SYCP2: variants seen among roughly 807,000 people sequenced by gnomAD.
The protein encoded by SYCP2 is synaptonemal complex protein 2, also known as synaptonemal complex lateral element protein.
Under a neutral mutation model 211.3 loss-of-function variants are expected in SYCP2, and 55 were observed. The ratio of observed to expected loss-of-function variants is 0.26; its 90% CI spans 0.21 to 0.33. The LOEUF (loss-of-function observed/expected upper bound fraction) is 0.33, where lower values mean the gene tolerates loss of function less well. SYCP2 is among the 10% of genes least tolerant of loss of function. SYCP2 has a pLI of 1.00. For synonymous variants in SYCP2, 570 were observed against 555.2 expected (o/e 1.03, Z -0.37); for missense variants, 1,731 against 1,752.0 (o/e 0.99, Z 0.21).
Position 59,880,388 on chromosome 20 carries a change from G to A in SYCP2, c.2856C>T (p.Ser952=). Residue 952 remains serine (S), a synonymous_variant, in exon 31 of 45, where the codon AGC becomes AGT. Transcript: ENST00000357552. ...YRCDDSKTDI[S]WLREPKSKPQ... is the part of the protein sequence containing the mutation. ...GTTTTGATTTCGGTTCTCTTAGCCA[G>A]CTAATATCAGTCTTGCTGTCATCAC... 1 of 1,601,308 alleles carries A rather than the reference G, an allele frequency of 6.2e-7. No individual in the cohort carries two copies. The highest frequency in any genetic ancestry group is 8.5e-7 in the Non-Finnish European group (1 of 1,171,354).
At chr20:59,866,745 T>G (rs2059345354) in intron 39 of SYCP2, among the ~76,000 whole-genome samples, 156 bp from the exon 40 acceptor site, 1 of 151,834 alleles carries the variant, frequency 6.6e-6, no homozygotes, top group African/African-American at 2.4e-5. Flanking sequence ...ACTGAAGTGT[T>G]AATAGACACT....
intron 8 of SYCP2, 67 bp downstream of exon 8, chr20:59,916,419 T>C: frequency 1.1e-6 from 1 of 895,692 alleles, no homozygotes; most frequent in Non-Finnish European, 1.8e-6. Context: ...AAATTGTCAA[T>C]TTAATTGCTA....
At chr20:59,874,135 ATTAAT>A in intron 34 of SYCP2, 74 bp from the exon 35 acceptor site, 3 of 668,938 alleles carry the variant, frequency 4.5e-6, no homozygotes, top group South Asian at 6.5e-5. Flanking sequence ...AAATAGCACG[ATTAAT>A]TTAAATTCTA....
chr20:59,914,529 T>C (rs2060395483), intron 10 of SYCP2, among the ~76,000 whole-genome samples: 1 of 152,032 alleles, frequency 6.6e-6, no homozygotes, highest in African/African-American at 2.4e-5. Flanking sequence ...TTCATTATTA[T>C]TAGAGATATA....
intron 2 of SYCP2, among the ~76,000 whole-genome samples, chr20:59,923,667 A>C (rs1422872014): frequency 6.6e-6 from 1 of 151,710 alleles, no homozygotes; most frequent in Non-Finnish European, 1.5e-5. Context: ...ACAACACTGT[A>C]CTCTAGCCTA....
chr20:59,907,519 C>CT, intron 14 of SYCP2, 95 bp from the exon 15 acceptor site: 1 of 997,732 alleles, frequency 1.0e-6, no homozygotes, highest in Non-Finnish European at 1.5e-6. Context: ...ACTATGAATT[C>CT]TTTTTGCTAG....
intron 13 of SYCP2, 25 bp downstream of exon 13, chr20:59,912,343 CTAAAA>C (rs766916209): frequency 2.5e-5 from 22 of 870,808 alleles, no homozygotes; most frequent in South Asian, 3.2e-5. Flanking sequence ...CATGCAATAA[CTAAAA>C]TAATGTGTTA....
At chr20:59,922,053 CACTT>C (rs1252617925) in intron 3 of SYCP2, among the ~76,000 whole-genome samples, 2 of 151,668 alleles carry the variant, frequency 1.3e-5, no homozygotes, top group African/African-American at 4.8e-5. Flanking sequence ...AGATTATTAA[CACTT>C]ACACTTTACC....
At chr20:59,924,625 G>C (rs1246849757) in intron 2 of SYCP2, among the ~76,000 whole-genome samples, 1 of 151,806 alleles carries the variant, frequency 6.6e-6, no homozygotes, top group Non-Finnish European at 1.5e-5. Context: ...GAAAAAAGTT[G>C]GATTGTCGGG....
intron 39 of SYCP2, among the ~76,000 whole-genome samples, chr20:59,866,930 T>C (rs1200110235): frequency 7.0e-6 from 1 of 143,092 alleles, no homozygotes; most frequent in Non-Finnish European, 1.5e-5. Flanking sequence ...ACCATTTTTT[T>C]CACAAAAACA....
chr20:59,913,320 T>C (rs1436654654), intron 12 of SYCP2, among the ~76,000 whole-genome samples: 1 of 152,118 alleles, frequency 6.6e-6, no homozygotes, highest in East Asian at 1.9e-4. Flanking sequence ...GAACTTATGA[T>C]TCAAATCAGG....
At chr20:59,901,531 A>T in intron 16 of SYCP2, 131 bp downstream of exon 16, 1 of 565,320 alleles carries the variant, frequency 1.8e-6, no homozygotes, top group South Asian at 3.1e-5. Flanking sequence ...ACTCTTCAAC[A>T]GTACAAATTT....
At chr20:59,873,063 C>T (rs963752789) in intron 35 of SYCP2, among the ~76,000 whole-genome samples, 6 of 151,930 alleles carry the variant, frequency 3.9e-5, no homozygotes, top group Admixed American at 1.3e-4. Flanking sequence ...ATATAGTAGA[C>T]CCTCCTGAAA....
In SYCP2 at chr20:59,877,449, G is replaced by A; in HGVS notation, c.3086C>T (p.Ser1029Leu). 6.2e-7 allele frequency: 1 copy of A among 1,603,836 alleles called. No homozygotes were observed. The highest frequency in any genetic ancestry group is 8.5e-7 in the Non-Finnish European group (1 of 1,177,316). ...TKTKKNYKDL[S>L]NSESECEQEF... The stretch of plus-strand genomic sequence containing the variant: ...TTGTTCACACTCTGATTCTGAATTT[G>A]AGAGATCTTTATAGTTTTTTTTTGT... The change falls in exon 33 of 45, where the codon TCA (serine) becomes TTA (leucine). Residue 1029 changes from serine (S) to leucine (L), a missense_variant. Ser to Leu is a moderately radical substitution (Grantham distance 145, BLOSUM62 -2). Coordinates refer to ENST00000357552, the MANE Select transcript of SYCP2 (RefSeq NM_014258.4).
intron 18 of SYCP2, among the ~76,000 whole-genome samples, chr20:59,897,416 A>G (rs931982310): frequency 6.6e-6 from 1 of 152,218 alleles, no homozygotes; most frequent in African/African-American, 2.4e-5. Context: ...TTACTTATTC[A>G]TATAAATGCC....
chr20:59,913,880 G>A, intron 12 of SYCP2, 95 bp downstream of exon 12: 1 of 875,570 alleles, frequency 1.1e-6, no homozygotes, highest in Non-Finnish European at 1.7e-6. Flanking sequence ...TAGAGAACAA[G>A]AATAAAGTTA....
Position 59,915,167 on chromosome 20 carries a change from C to A in SYCP2, c.632G>T (p.Gly211Val). 1.3e-6 allele frequency: 2 copies of A among 1,570,420 alleles called. No homozygotes were observed. Among genetic ancestry groups the A allele is most frequent in the Admixed American group, 1.7e-5 (1 of 59,396 alleles). ...SSMGERILDA[G>V]DYDLQVGIVE... ...AGATTTGGAAAAGACATACTTACCTCCAGCATCTAAAATCCTTTCTCCCAT... is the reference window on the plus strand; with the variant it reads ...AGATTTGGAAAAGACATACTTACCTACAGCATCTAAAATCCTTTCTCCCAT... The change falls in exon 10 of 45, where the codon GGA becomes GTA. Residue 211 changes from glycine to valine, a missense_variant and splice_region_variant. Gly to Val is a moderately radical substitution (Grantham distance 109). Around this residue, in one of 3 missense-constraint regions of SYCP2, gnomAD observed 335 missense variants for 378.8 expected, o/e 0.88. Transcript: ENST00000357552.
chr20:59,920,265 A>T, intron 5 of SYCP2, 94 bp downstream of exon 5: 1 of 1,180,152 alleles, frequency 8.5e-7, no homozygotes, highest in Non-Finnish European at 1.2e-6. Flanking sequence ...AAAGTTCCTA[A>T]ATTTATTTTC....
chr20:59,877,511 C>G lies in SYCP2; in HGVS notation c.3024G>C (p.Pro1008=), dbSNP rs61730343. The G allele has an allele frequency of 1.9e-6, 3 of 1,602,094 alleles. No homozygotes were observed. Among genetic ancestry groups the G allele is most frequent in the Non-Finnish European group, 1.7e-6 (2 of 1,177,014 alleles). ...NITKKMDKTI[P]EGRIRLPRKA... is the part of the protein sequence containing the mutation. ...TTCGTGGAAGTCTGATTCTTCCTTC[C>G]GGAATTGTCTTGTCCATCTTTTTTG... Residue 1008 remains proline (P), a synonymous_variant, in exon 33 of 45, where the codon CCG becomes CCC. Transcript: ENST00000357552.
Sources: gnomAD v4.1 joint callset for allele counts (sites outside exome capture counted in the v4.1 genomes callset) on GRCh38, gnomAD v4.1.1 for gene constraint, gnomAD v4.1.1 regional missense constraint, MANE v1.5 for transcripts, NCBI Gene and HGNC (gene_info 2026-07-23, HGNC 2026-07-21) for gene names.